The following CDKAL1 variants were observed in gnomAD, a reference collection of about 807,000 sequenced individuals.
CDKAL1 encodes the protein threonylcarbamoyladenosine tRNA methylthiotransferase.
In CDKAL1, 32 loss-of-function variants were observed where a neutral mutation model predicts 68.2. The ratio of observed to expected loss-of-function variants is 0.47; its 90% CI spans 0.35 to 0.63. The LOEUF (loss-of-function observed/expected upper bound fraction) is 0.63, where lower values mean the gene tolerates loss of function less well. Ranked by LOEUF, CDKAL1 falls within the 30% of genes least tolerant of loss-of-function variation. The pLI is 0.00. For synonymous variants in CDKAL1, 234 were observed against 244.3 expected, an observed-to-expected ratio of 0.96 and a Z score of 0.39; for missense variants, 606 against 696.7, an observed-to-expected ratio of 0.87 and a Z score of 1.47.
At chr6:20,719,053 G>A (rs1443825167) in intron 5 of CDKAL1, among the ~76,000 whole-genome samples, 2 of 152,156 alleles carry the variant, frequency 1.3e-5, no homozygotes, top group Non-Finnish European at 2.9e-5. Flanking sequence ...GTCAGTTCAT[G>A]GCAGAGTCCG....
Position 21,114,582 on chromosome 6 carries a change from A to G in CDKAL1, c.1299+6119A>G, listed in dbSNP as rs1190927691. On this transcript the variant is annotated intron_variant, in intron 13 of 15. Coordinates refer to ENST00000274695, the MANE Select transcript of CDKAL1 (RefSeq NM_017774.3). ...ACTCCTGTCTCTACAAAAGATTTAA[A>G]AATTAGCCAGGTGTGGTGGCATGTG... Among the ~76,000 whole-genome samples, 3 of 152,002 alleles carry G rather than the reference A, an allele frequency of 2.0e-5. No homozygotes were observed. The East Asian group carries it at 5.8e-4, about 30-fold the overall frequency.
intron 15 of CDKAL1, among the ~76,000 whole-genome samples, chr6:21,220,355 T>C (rs1396684261): frequency 6.6e-6 from 1 of 152,188 alleles, no homozygotes; most frequent in Admixed American, 6.5e-5. Context: ...GTGTTTTCCT[T>C]ATGTGCAGTT....
intron 10 of CDKAL1, among the ~76,000 whole-genome samples, chr6:20,975,223 G>A (rs201360): frequency 0.088 from 13,347 of 152,154 alleles, 713 homozygotes; most frequent in Middle Eastern, 0.16. Context: ...AATCTCTGCC[G>A]TCTCCAGGTG....
intron 5 of CDKAL1, among the ~76,000 whole-genome samples, chr6:20,688,932 A>T (rs961993520): frequency 6.6e-6 from 1 of 152,220 alleles, no homozygotes; most frequent in Non-Finnish European, 1.5e-5. Flanking sequence ...ATTAGGTCTC[A>T]GTCCTTTAGT....
chr6:20,692,707 T>G lies in CDKAL1; in HGVS notation c.371+43330T>G, dbSNP rs559876892. ...AAAATATTATCTTTTGAGGCTTCAT[T>G]TAATATTTTTCTTTATCAGCCCAGA... On this transcript the variant is annotated intron_variant, in intron 5 of 15. Coordinates refer to ENST00000274695, the MANE Select transcript of CDKAL1 (RefSeq NM_017774.3). 2.1e-4 allele frequency among the ~76,000 whole-genome samples: 32 copies of G among 151,874 alleles called. No homozygotes were observed. The South Asian group carries it at 6.6e-3, about 31-fold the overall frequency.
At chr6:21,227,803 C>T (rs540425427) in intron 15 of CDKAL1, among the ~76,000 whole-genome samples, 2 of 152,300 alleles carry the variant, frequency 1.3e-5, no homozygotes, top group African/African-American at 4.8e-5. Flanking sequence ...TAATCCTCTC[C>T]GGTAGTTCAG....
intron 8 of CDKAL1, among the ~76,000 whole-genome samples, chr6:20,822,004 T>C (rs954828795): frequency 6.6e-6 from 1 of 152,182 alleles, no homozygotes; most frequent in Non-Finnish European, 1.5e-5. Flanking sequence ...AAATAGAGTT[T>C]AATTGCAACA....
intron 4 of CDKAL1, among the ~76,000 whole-genome samples, chr6:20,580,563 C>T (rs893977401): frequency 3.9e-5 from 6 of 152,048 alleles, no homozygotes; most frequent in African/African-American, 1.2e-4. Context: ...CCCCTGTGTC[C>T]TTCATGGAAC....
At chr6:21,060,063 A>G (rs1332693514) in intron 11 of CDKAL1, among the ~76,000 whole-genome samples, 3 of 151,850 alleles carry the variant, frequency 2.0e-5, no homozygotes, top group Middle Eastern at 6.3e-3. Flanking sequence ...TGGACTCTTA[A>G]AAGAGTTTCT....
intron 9 of CDKAL1, among the ~76,000 whole-genome samples, chr6:20,855,603 G>A (rs966090264): frequency 2.0e-5 from 3 of 152,084 alleles, no homozygotes; most frequent in African/African-American, 4.8e-5. Flanking sequence ...GGGCTGTAAA[G>A]GACTCCTGTT....
At chr6:21,154,958 T>G (rs6456400) in intron 13 of CDKAL1, among the ~76,000 whole-genome samples, 50,964 of 150,854 alleles carry the variant, frequency 0.34, 8,935 homozygotes, top group African/African-American at 0.43. Flanking sequence ...GCCACTGCAC[T>G]CCAGCCTGGC....
intron 4 of CDKAL1, among the ~76,000 whole-genome samples, chr6:20,552,398 A>G (rs1280554551): frequency 4.6e-5 from 7 of 152,026 alleles, no homozygotes; most frequent in Admixed American, 4.6e-4. Context: ...AAAATCAGAT[A>G]TTGACTTTTT....
At chr6:20,852,841 GCCTT>G (rs1240983891) in intron 9 of CDKAL1, among the ~76,000 whole-genome samples, 9 of 152,098 alleles carry the variant, frequency 5.9e-5, no homozygotes, top group African/African-American at 2.2e-4. Context: ...GTTTAATGAG[GCCTT>G]TCCTCAGAAC....
rs57442477 is a variant in CDKAL1 at position 20,575,441 on chromosome 6, C to CAAAAAA, written c.286+26752_286+26757dup. Among the ~76,000 whole-genome samples, 40 of 94,204 alleles carry CAAAAAA rather than the reference C, an allele frequency of 4.2e-4. 1 individual carries two copies. Among genetic ancestry groups the CAAAAAA allele is most frequent in the African/African-American group, 5.0e-4 (13 of 26,118 alleles). The allele number at this position is 94,204 out of a possible 152,430, so 61.8% of individuals were successfully genotyped here. A position where few individuals can be genotyped will look rare whatever the true frequency, so the allele number is the denominator to read the frequency against. ...ATAAGCTGTATAAACAGGGGCACCACAAAAAAAAAAAAAAAAAAAAAGAAA... is the reference window on the plus strand; with the variant it reads ...ATAAGCTGTATAAACAGGGGCACCACAAAAAAAAAAAAAAAAAAAAAAAAAAAGAAA... On this transcript the variant is annotated intron_variant, in intron 4 of 15. Coordinates refer to ENST00000274695, the MANE Select transcript of CDKAL1 (RefSeq NM_017774.3).
chr6:21,228,556 T>A (rs1779836638), intron 15 of CDKAL1, among the ~76,000 whole-genome samples: 1 of 152,232 alleles, frequency 6.6e-6, no homozygotes, highest in South Asian at 2.1e-4. Flanking sequence ...GAGACATAGA[T>A]GAGAATGTTC....
intron 5 of CDKAL1, among the ~76,000 whole-genome samples, chr6:20,670,768 TG>T (rs1414416357): frequency 2.0e-5 from 3 of 152,338 alleles, no homozygotes; most frequent in Admixed American, 6.5e-5. Context: ...AATTTCCTTT[TG>T]TTTTTTACTT....
At chr6:20,864,607 C>G (rs1239618747) in intron 9 of CDKAL1, among the ~76,000 whole-genome samples, 1 of 151,898 alleles carries the variant, frequency 6.6e-6, no homozygotes, top group Non-Finnish European at 1.5e-5. Flanking sequence ...TATAAAATTG[C>G]TAAAAAATAA....
chr6:21,079,033 G>C (rs1180786421), intron 12 of CDKAL1, among the ~76,000 whole-genome samples: 1 of 152,130 alleles, frequency 6.6e-6, no homozygotes, highest in Admixed American at 6.5e-5. Flanking sequence ...GAGAAGTGGG[G>C]GGTGCCTGTG....
At chr6:20,969,022 T>C (rs369142268) in intron 10 of CDKAL1, among the ~76,000 whole-genome samples, 2 of 152,144 alleles carry the variant, frequency 1.3e-5, no homozygotes, top group East Asian at 1.9e-4. Flanking sequence ...TACTGGACAT[T>C]TGAATAATAT....
Sources: gnomAD v4.1 joint callset for allele counts (sites outside exome capture counted in the v4.1 genomes callset) on GRCh38, gnomAD v4.1.1 for gene constraint, MANE v1.5 for transcripts, NCBI Gene and HGNC (gene_info 2026-07-23, HGNC 2026-07-21) for gene names.